Variants in MEF2C observed in about 807,000 individuals in gnomAD.
MEF2C encodes the protein myocyte-specific enhancer factor 2C.
In MEF2C, 6 loss-of-function variants were observed where a neutral mutation model predicts 50.5. The ratio of observed to expected loss-of-function variants is 0.12; its 90% CI spans 0.07 to 0.23. The LOEUF (loss-of-function observed/expected upper bound fraction) is 0.23. MEF2C is among the 10% of genes least tolerant of loss of function. MEF2C has a pLI of 1.00. For synonymous variants in MEF2C, 183 were observed against 228.0 expected, an observed-to-expected ratio of 0.80 and a Z score of 1.78; for missense variants, 276 against 605.0, an observed-to-expected ratio of 0.46 and a Z score of 5.70.
At chr5:88,890,746 G>T (rs1221344654) in intron 1 of MEF2C, among the ~76,000 whole-genome samples, 1 of 152,226 alleles carries the variant, frequency 6.6e-6, no homozygotes, top group Non-Finnish European at 1.5e-5. Flanking sequence ...CTTGGCACTA[G>T]TGTGAGAAGC....
intron 1 of MEF2C, among the ~76,000 whole-genome samples, chr5:88,894,408 A>G (rs781581337): frequency 3.9e-5 from 6 of 152,246 alleles, no homozygotes; most frequent in African/African-American, 9.6e-5. Flanking sequence ...TCAGAAATAC[A>G]TATCTAAAGG....
chr5:88,773,275 A>T (rs1783223020), intron 3 of MEF2C, among the ~76,000 whole-genome samples: 1 of 152,206 alleles, frequency 6.6e-6, no homozygotes, highest in South Asian at 2.1e-4. Context: ...ATGGAATTAC[A>T]ATGAAATCTA....
intron 6 of MEF2C, chr5:88,742,812 G>C: frequency 1.0e-6 from 1 of 985,026 alleles, no homozygotes; most frequent in Non-Finnish European, 1.2e-6. Context: ...GCTTGGTTTT[G>C]TATATGGAAA....
At chr5:88,830,276 A>G (rs909285011) in intron 1 of MEF2C, among the ~76,000 whole-genome samples, 33 of 152,004 alleles carry the variant, frequency 2.2e-4, no homozygotes, top group Non-Finnish European at 4.7e-4. Flanking sequence ...TTCTAGTCCT[A>G]CTTTAATATC....
At position 88,734,565 on chromosome 5, in the gene MEF2C, G is replaced by GTTTTTTTTTTTTTTTTTTTTTTTTTTT. The variant is rs66505441; in HGVS notation, c.638-2691_638-2665dup. ...TTCACGGAGGCCTTGAGAAAAGTTT[G>GTTTTTTTTTTTTTTTTTTTTTTTTTTT]TTTTTTTTTTTTTTTTTTTTTTTTT... On this transcript the variant is annotated intron_variant, in intron 6 of 10. Coordinates refer to ENST00000504921, the MANE Select transcript of MEF2C (RefSeq NM_002397.5). 4 of 460,474 alleles carry GTTTTTTTTTTTTTTTTTTTTTTTTTTT rather than the reference G, an allele frequency of 8.7e-6. 1 individual carries two copies. Among genetic ancestry groups the GTTTTTTTTTTTTTTTTTTTTTTTTTTT allele is most frequent in the East Asian group, 2.9e-4 (1 of 3,496 alleles). The allele number at this position is 460,474 out of a possible 1,614,324, so 28.5% of individuals were successfully genotyped here.
intron 2 of MEF2C, among the ~76,000 whole-genome samples, chr5:88,822,359 G>A (rs367968718): frequency 6.6e-5 from 10 of 151,808 alleles, no homozygotes; most frequent in East Asian, 3.9e-4. Flanking sequence ...AAAAAATAGC[G>A]GTTTTCTATT....
chr5:88,779,423 C>T (rs1786583746), intron 3 of MEF2C, among the ~76,000 whole-genome samples: 1 of 152,034 alleles, frequency 6.6e-6, no homozygotes, highest in Non-Finnish European at 1.5e-5. Flanking sequence ...AACTCTCCCT[C>T]CCCGATTGCA....
chr5:88,862,864 G>T (rs780837221), intron 1 of MEF2C, among the ~76,000 whole-genome samples: 2 of 152,202 alleles, frequency 1.3e-5, no homozygotes, highest in Non-Finnish European at 2.9e-5. Flanking sequence ...AAGAAGATTA[G>T]GTTGGCACTT....
At chr5:88,855,493 C>T (rs1274805142) in intron 1 of MEF2C, among the ~76,000 whole-genome samples, 1 of 152,146 alleles carries the variant, frequency 6.6e-6, no homozygotes, top group Non-Finnish European at 1.5e-5. Context: ...TAATGCTTTT[C>T]ATGTTGCATG....
chr5:88,809,805 T>C (rs1473141052), intron 2 of MEF2C, among the ~76,000 whole-genome samples: 6 of 152,152 alleles, frequency 3.9e-5, no homozygotes, highest in African/African-American at 1.2e-4. Flanking sequence ...CTCCCATCTC[T>C]CCTTTTCCAC....
intron 1 of MEF2C, chr5:88,826,977 T>C (rs1811156787): frequency 6.6e-6 from 1 of 151,826 alleles, no homozygotes; most frequent in African/African-American, 2.4e-5. Flanking sequence ...TCTGCATTTT[T>C]TTTTTCTAAA....
At chr5:88,794,273 T>C (rs1795073838) in intron 3 of MEF2C, among the ~76,000 whole-genome samples, 1 of 152,172 alleles carries the variant, frequency 6.6e-6, no homozygotes, top group South Asian at 2.1e-4. Context: ...AGTGTAAAAG[T>C]GTTCCTATTT....
At chr5:88,790,542 T>C (rs1316204130) in intron 3 of MEF2C, among the ~76,000 whole-genome samples, 1 of 152,224 alleles carries the variant, frequency 6.6e-6, no homozygotes, top group East Asian at 1.9e-4. Context: ...ATCAAAATAC[T>C]GTACCTTGGT....
chr5:88,842,186 T>C (rs1258824723), intron 1 of MEF2C, among the ~76,000 whole-genome samples: 8 of 152,204 alleles, frequency 5.3e-5, no homozygotes, highest in Non-Finnish European at 8.8e-5. Flanking sequence ...ACAAGTTCTT[T>C]GAAATCTGAT....
chr5:88,740,096 G>C lies in MEF2C; in HGVS notation c.638-8195C>G, dbSNP rs900802656. Reference sequence around the variant, plus strand: ...TATTCTTGGCCATACCAGTTCAGGGGCATCAGACGTTCTAAAAAGAGAGCT... The same window carrying C: ...TATTCTTGGCCATACCAGTTCAGGGCCATCAGACGTTCTAAAAAGAGAGCT... On this transcript the variant is annotated intron_variant, in intron 6 of 10. Transcript: ENST00000504921. 2.3e-5 allele frequency: 23 copies of C among 985,134 alleles called. No individual in the cohort carries two copies. In the African/African-American group the frequency reaches 3.8e-4, roughly 16 times the overall value. 61.0% of individuals were successfully genotyped at this position (985,134 alleles called of 1,614,324 possible). A position where few individuals can be genotyped will look rare whatever the true frequency, so the allele number is the denominator to read the frequency against.
chr5:88,804,481 A>G, intron 3 of MEF2C, 117 bp downstream of exon 3: 1 of 863,654 alleles, frequency 1.2e-6, no homozygotes, highest in East Asian at 2.6e-5. Flanking sequence ...GGGTCTATCT[A>G]TGGGACTATG....
At chr5:88,809,700 T>C (rs929985956) in intron 2 of MEF2C, among the ~76,000 whole-genome samples, 3 of 152,082 alleles carry the variant, frequency 2.0e-5, no homozygotes, top group Admixed American at 2.0e-4. Context: ...AGAAAAATAA[T>C]AGTAGATGTA....
At chr5:88,831,194 T>C (rs1488812255) in intron 1 of MEF2C, among the ~76,000 whole-genome samples, 1 of 152,120 alleles carries the variant, frequency 6.6e-6, no homozygotes, top group Non-Finnish European at 1.5e-5. Context: ...ATTTCAGTCT[T>C]ACTGATACAT....
At chr5:88,810,721 T>C (rs893365830) in intron 2 of MEF2C, among the ~76,000 whole-genome samples, 5 of 152,174 alleles carry the variant, frequency 3.3e-5, no homozygotes, top group Admixed American at 2.6e-4. Flanking sequence ...AAAAAGTCTC[T>C]AGTAAAGTGC....
Sources: gnomAD v4.1 joint callset for allele counts (sites outside exome capture counted in the v4.1 genomes callset) on GRCh38, gnomAD v4.1.1 for gene constraint, MANE v1.5 for transcripts, NCBI Gene and HGNC (gene_info 2026-07-23, HGNC 2026-07-21) for gene names.